The following SEL1L2 variants were observed in gnomAD, a reference collection of about 807,000 sequenced individuals.
SEL1L2 encodes the protein SEL1L2 adaptor subunit of SYVN1 ubiquitin ligase.
SEL1L2 carries 89 observed loss-of-function variants against 98.8 expected under a neutral mutation model. That is an observed-to-expected ratio of 0.90 (90% CI 0.76 to 1.07). The LOEUF is 1.07. Ranked by LOEUF, SEL1L2 falls within the 50% of genes least tolerant of loss-of-function variation. SEL1L2 has a pLI of 0.00. For synonymous variants in SEL1L2, 262 were observed against 278.5 expected (o/e 0.94, Z 0.59); for missense variants, 788 against 812.0 (o/e 0.97, Z 0.36).
chr20:13,947,484 T>C lies in SEL1L2; in HGVS notation c.114+8592A>G, dbSNP rs1488994805. 2.0e-5 allele frequency among the ~76,000 whole-genome samples: 3 copies of C among 152,194 alleles called. No individual in the cohort carries two copies. In the East Asian group the frequency reaches 5.8e-4, roughly 29 times the overall value. ...TCCTGAAAGCTGTACTGTCGCTCAA[T>C]GAAGCACCTCTTCACCTTGCTCACC... is the stretch of plus-strand genomic sequence containing the variant. On this transcript the variant is annotated intron_variant, in intron 2 of 19. Coordinates refer to ENST00000284951, the MANE Select transcript of SEL1L2 (RefSeq NM_025229.2).
chr20:13,855,786 T>A (rs917826158), intron 18 of SEL1L2, among the ~76,000 whole-genome samples: 6 of 152,230 alleles, frequency 3.9e-5, no homozygotes, highest in Non-Finnish European at 7.3e-5. Context: ...ATGACACCCT[T>A]CACTTTCACT....
Position 13,912,730 on chromosome 20 carries a change from C to T in SEL1L2, c.549+1052G>A, listed in dbSNP as rs141280909. On this transcript the variant is annotated intron_variant, in intron 5 of 19. Transcript: ENST00000284951. Reference sequence around the variant, plus strand: ...TGGGTGGATGCAGGAGCCACCCTGACGTAAAAGCCTCATTCTCAATGTAAC... The same window carrying T: ...TGGGTGGATGCAGGAGCCACCCTGATGTAAAAGCCTCATTCTCAATGTAAC... Among the ~76,000 whole-genome samples the T allele has an allele frequency of 1.4e-3, 220 of 152,286 alleles. 1 individual carries two copies. The highest frequency in any genetic ancestry group is 5.1e-3 in the African/African-American group (213 of 41,566).
upstream of SEL1L2, chr20:13,990,696 C>G (rs944447720): frequency 3.3e-5 from 19 of 576,732 alleles, no homozygotes; most frequent in South Asian, 2.3e-5. Flanking sequence ...CCTTTCAAGC[C>G]GGAATGAAGG....
intron 14 of SEL1L2, 142 bp from the exon 15 acceptor site, chr20:13,866,992 C>G (rs1222580552): frequency 2.6e-6 from 2 of 771,290 alleles, no homozygotes; most frequent in African/African-American, 3.6e-5. Flanking sequence ...TCTAAATCCA[C>G]TATTTGTGAA....
At chr20:13,946,039 A>C (rs762886551) in intron 2 of SEL1L2, among the ~76,000 whole-genome samples, 7 of 152,224 alleles carry the variant, frequency 4.6e-5, no homozygotes, top group Non-Finnish European at 8.8e-5. Flanking sequence ...TTAAAGACCA[A>C]AAGCTTTTCC....
At chr20:13,879,058 A>G (rs574738403) in intron 10 of SEL1L2, among the ~76,000 whole-genome samples, 4 of 152,318 alleles carry the variant, frequency 2.6e-5, no homozygotes, top group African/African-American at 9.6e-5. Flanking sequence ...TGTCAGAGTC[A>G]TGCTGTTAGT....
chr20:13,871,586 A>T (rs1269577710), intron 12 of SEL1L2, among the ~76,000 whole-genome samples: 1 of 151,356 alleles, frequency 6.6e-6, no homozygotes, highest in Admixed American at 6.6e-5. Context: ...ATCTCGGCTC[A>T]CTGCAACCTC....
rs548068899 is a variant in SEL1L2 at position 13,897,879 on chromosome 20, AC to A, written c.550-9368del. On this transcript the variant is annotated intron_variant, in intron 5 of 19. Transcript: ENST00000284951. ...AAAACTCCCTCTCAAAAACAAAAAA[AC>A]AAAACAAAAAAAAACCCCACAATAA... Among the ~76,000 whole-genome samples the A allele has an allele frequency of 2.0e-3, 296 of 147,376 alleles. 1 individual carries two copies. Among genetic ancestry groups the A allele is most frequent in the African/African-American group, 6.7e-3 (271 of 40,240 alleles).
At chr20:13,930,610 G>A (rs764486871) in intron 3 of SEL1L2, among the ~76,000 whole-genome samples, 1 of 152,062 alleles carries the variant, frequency 6.6e-6, no homozygotes, top group Non-Finnish European at 1.5e-5. Context: ...TCTTCAAATG[G>A]GCAGTGAACC....
At chr20:13,910,350 A>G (rs756270379) in intron 5 of SEL1L2, among the ~76,000 whole-genome samples, 12 of 152,222 alleles carry the variant, frequency 7.9e-5, no homozygotes, top group Admixed American at 5.2e-4. Context: ...TTGTGAAGTA[A>G]TGTGGGTATT....
chr20:13,950,945 G>A (rs1163209475), intron 2 of SEL1L2, among the ~76,000 whole-genome samples: 1 of 152,112 alleles, frequency 6.6e-6, no homozygotes, highest in Admixed American at 6.6e-5. Context: ...GAAACATTTG[G>A]AGAAGTACGA....
chr20:13,851,177 A>C (rs944428233), intron 18 of SEL1L2: 1 of 152,170 alleles, frequency 6.6e-6, no homozygotes, highest in Non-Finnish European at 1.5e-5. Flanking sequence ...CAGTGAGCCA[A>C]GATCATGCCA....
chr20:13,907,723 TTTC>T (rs1450010940), intron 5 of SEL1L2, among the ~76,000 whole-genome samples: 54 of 130,194 alleles, frequency 4.1e-4, no homozygotes, highest in Non-Finnish European at 5.8e-4. Flanking sequence ...TCTTTCTTTC[TTTC>T]TTTCTTTCTT....
In SEL1L2 at chr20:13,866,684, G is replaced by A; in HGVS notation, c.1404+18C>T. 6.6e-7 allele frequency: 1 copy of A among 1,524,968 alleles called. No individual in the cohort carries two copies. The highest frequency in any genetic ancestry group is 8.8e-7 in the Non-Finnish European group (1 of 1,139,942). 94.5% of individuals were successfully genotyped at this position (1,524,968 alleles called of 1,614,324 possible). On this transcript the variant is annotated intron_variant, in intron 15 of 19. Transcript: ENST00000284951. The stretch of plus-strand genomic sequence containing the variant: ...ATATATGACAAGTGCTTTAAAAACA[G>A]CCGCATATTATATTTACCTCCACAG...
At chr20:13,888,640 T>TTC (rs1363677334) in intron 5 of SEL1L2, 128 bp from the exon 6 acceptor site, 4 of 462,098 alleles carry the variant, frequency 8.7e-6, no homozygotes, top group African/African-American at 7.1e-5. Flanking sequence ...TTTCTCTTTT[T>TTC]TTTTTTTTTT....
At chr20:13,936,177 C>T (rs564384609) in intron 2 of SEL1L2, among the ~76,000 whole-genome samples, 21 of 152,200 alleles carry the variant, frequency 1.4e-4, no homozygotes, top group Non-Finnish European at 2.1e-4. Flanking sequence ...ATTATGACAG[C>T]GAGAAAATTA....
chr20:13,963,759 G>C (rs2050893945), intron 1 of SEL1L2, among the ~76,000 whole-genome samples: 1 of 151,824 alleles, frequency 6.6e-6, no homozygotes, highest in Non-Finnish European at 1.5e-5. Flanking sequence ...CAATTAAAAA[G>C]CAAAAAAACC....
intron 3 of SEL1L2, among the ~76,000 whole-genome samples, chr20:13,919,514 T>C (rs1239937686): frequency 6.6e-6 from 1 of 152,128 alleles, no homozygotes; most frequent in Non-Finnish European, 1.5e-5. Flanking sequence ...TGTCTGAGCA[T>C]AGCACAGTAA....
chr20:13,903,312 A>G (rs530981334), intron 5 of SEL1L2, among the ~76,000 whole-genome samples: 27 of 152,260 alleles, frequency 1.8e-4, no homozygotes, highest in Admixed American at 5.9e-4. Flanking sequence ...TAGATCATCA[A>G]TATCACTTTC....
Sources: allele counts gnomAD v4.1 joint callset (sites outside exome capture counted in the v4.1 genomes callset), GRCh38; gene constraint gnomAD v4.1.1; transcripts MANE v1.5; gene names NCBI Gene and HGNC (gene_info 2026-07-23, HGNC 2026-07-21).